UNK: variants seen among roughly 807,000 people sequenced by gnomAD.
The protein encoded by UNK is unk zinc finger, also known as RING finger protein unkempt homolog.
Under a neutral mutation model 97.6 loss-of-function variants are expected in UNK, and 32 were observed. The ratio of observed to expected loss-of-function variants is 0.33; its 90% CI spans 0.25 to 0.44. The LOEUF (loss-of-function observed/expected upper bound fraction) is 0.44. Ranked by LOEUF, UNK falls within the 20% of genes least tolerant of loss-of-function variation. The probability of loss-of-function intolerance (pLI) is 1.00; values close to 1 mark genes in which losing one functional copy is unlikely to be tolerated. For synonymous variants in UNK, 441 were observed against 461.2 expected (o/e 0.96, Z 0.56); for missense variants, 771 against 1,098.4 (o/e 0.70, Z 4.21).
chr17:75,798,036 A>G (rs1266908211), intron 1 of UNK, among the ~76,000 whole-genome samples: 1 of 151,082 alleles, frequency 6.6e-6, no homozygotes, highest in Non-Finnish European at 1.5e-5. Context: ...TCATGCAGAC[A>G]TGCACTCCAC....
At position 75,818,039 on chromosome 17, in the gene UNK, G is replaced by T; in HGVS notation, c.1306-64G>T. 1 of 1,556,376 alleles carries T rather than the reference G, an allele frequency of 6.4e-7. No homozygotes were observed. On this transcript the variant is annotated intron_variant, in intron 9 of 15. Transcript: ENST00000589666. This position sits in a 1 kb window ranked among gnomAD's most constrained non-coding sequence, Gnocchi z 5.1. ...TGCCCCCTGGTACCTGCAGCCTCAG[G>T]GTCAGATGGACTCAGGGACCCCCCA... is the stretch of plus-strand genomic sequence containing the variant.
Position 75,817,790 on chromosome 17 carries a change from G to A in UNK, c.1305+264G>A, listed in dbSNP as rs1050685616. Among the ~76,000 whole-genome samples, 6 of 152,094 alleles carry A rather than the reference G, an allele frequency of 3.9e-5. No individual in the cohort carries two copies. The highest frequency in any genetic ancestry group is 1.2e-4 in the African/African-American group (5 of 41,388). On this transcript the variant is annotated intron_variant, in intron 9 of 15. Coordinates refer to ENST00000589666, the MANE Select transcript of UNK (RefSeq NM_001080419.3). This position sits in a 1 kb window ranked among gnomAD's most constrained non-coding sequence, Gnocchi z 5.8. ...AGATCCCGCCTGGGTGCGGTCCTTC[G>A]GCTGCCCTGAACTGCCTTCATGGAA... is the stretch of plus-strand genomic sequence containing the variant.
In UNK at chr17:75,816,867, G is replaced by A. The variant is rs771689627; in HGVS notation, c.1059G>A (p.Ser353=). Residue 353 remains serine (S), a synonymous_variant, in exon 8 of 16, where the codon TCG becomes TCA. Coordinates refer to ENST00000589666, the MANE Select transcript of UNK (RefSeq NM_001080419.3). This position sits in a 1 kb window ranked among gnomAD's most constrained non-coding sequence, Gnocchi z 4.0. ...VLYMPSAAGD[S]VPVSPSSPHA... is the part of the protein sequence containing the mutation. ...ACATGCCATCTGCCGCCGGAGACTC[G>A]GTGCCTGTGAGCCCCTCCAGCCCGC... The A allele has an allele frequency of 3.7e-6, 6 of 1,606,902 alleles. No individual in the cohort carries two copies. Among genetic ancestry groups the A allele is most frequent in the African/African-American group, 2.7e-5 (2 of 74,878 alleles).
At chr17:75,796,564 C>T (rs1341854299) in intron 1 of UNK, among the ~76,000 whole-genome samples, 1 of 152,160 alleles carries the variant, frequency 6.6e-6, no homozygotes, top group Non-Finnish European at 1.5e-5. Flanking sequence ...TGGCCTCAAG[C>T]AGTCGTCCTG....
chr17:75,797,477 C>T (rs999787305), intron 1 of UNK, among the ~76,000 whole-genome samples: 8 of 152,252 alleles, frequency 5.3e-5, no homozygotes, highest in Non-Finnish European at 1.2e-4. Flanking sequence ...TCAGGCGATC[C>T]GCCCGCCTTG....
intron 1 of UNK, among the ~76,000 whole-genome samples, chr17:75,791,164 G>A (rs946722178): frequency 6.6e-5 from 10 of 152,048 alleles, no homozygotes; most frequent in African/African-American, 2.2e-4. Flanking sequence ...GAGTTTTCTG[G>A]CCACTTGGTG....
chr17:75,821,454 G>A (rs1428638107), intron 13 of UNK: 1 of 446,706 alleles, frequency 2.2e-6, no homozygotes, highest in South Asian at 1.6e-5. Flanking sequence ...GGAGAGATGG[G>A]TGGGACAGGA....
chr17:75,787,502 C>G (rs1567791360), intron 1 of UNK, among the ~76,000 whole-genome samples: 1 of 150,766 alleles, frequency 6.6e-6, no homozygotes, highest in Non-Finnish European at 1.5e-5. Flanking sequence ...GGCCACCACA[C>G]CCAGCTTTTT....
At position 75,784,926 on chromosome 17, in the gene UNK, C is replaced by G. The variant is rs752583410; in HGVS notation, c.46C>G (p.Pro16Ala). 1 of 1,557,710 alleles carries G rather than the reference C, an allele frequency of 6.4e-7. No individual in the cohort carries two copies. Among genetic ancestry groups the G allele is most frequent in the African/African-American group, 1.4e-5 (1 of 72,836 alleles). The stretch of plus-strand genomic sequence containing the variant: ...CGGCGGCTCCGCAGCTTCCTCGGCG[C>G]CCCCGGCCGCTACCGCTCAGGTGCT... Reference protein sequence around the residue: ...GPGGSAASSAPPAATAQVLQA... With the variant: ...GPGGSAASSAAPAATAQVLQA... The change falls in exon 1 of 16, where the codon CCC (proline) becomes GCC (alanine). Residue 16 changes from proline to alanine, a missense_variant. Transcript: ENST00000589666.
Position 75,812,172 on chromosome 17 carries a change from C to G in UNK, c.375C>G (p.Tyr125Ter). 1 of 1,614,074 alleles carries G rather than the reference C, an allele frequency of 6.2e-7. No homozygotes were observed. The highest frequency in any genetic ancestry group is 8.5e-7 in the Non-Finnish European group (1 of 1,179,938). ...DTERRYHLRY[Y>*]KTGICIHETD... Reference sequence around the variant, plus strand: ...AGCGCAGGTACCACCTTCGTTACTACAAAACTGGAATCTGCATCCACGAGA... The same window carrying G: ...AGCGCAGGTACCACCTTCGTTACTAGAAAACTGGAATCTGCATCCACGAGA... Residue 125 changes from tyrosine to a stop codon, truncating the protein, a stop_gained, in exon 3 of 16, where the codon TAC becomes TAG. Coordinates refer to ENST00000589666, the MANE Select transcript of UNK (RefSeq NM_001080419.3). LOFTEE classifies it high-confidence loss of function.
At chr17:75,810,379 T>C (rs1343661199) in intron 2 of UNK, among the ~76,000 whole-genome samples, 3 of 152,056 alleles carry the variant, frequency 2.0e-5, no homozygotes, top group African/African-American at 7.3e-5. Context: ...GGCACAGCAC[T>C]GACAGACACA....
At chr17:75,812,026 A>T in intron 2 of UNK, 86 bp from the exon 3 acceptor site, 1 of 1,422,376 alleles carries the variant, frequency 7.0e-7, no homozygotes, top group Non-Finnish European at 9.4e-7. Context: ...ACAACAACAA[A>T]AACAGTTGGG....
intron 1 of UNK, among the ~76,000 whole-genome samples, chr17:75,796,756 C>T (rs2061809367): frequency 6.6e-6 from 1 of 152,110 alleles, no homozygotes; most frequent in Non-Finnish European, 1.5e-5. Flanking sequence ...TAATAGTTTA[C>T]CTATCAGATT....
At chr17:75,802,327 T>C (rs2061869097) in intron 1 of UNK, among the ~76,000 whole-genome samples, 1 of 133,870 alleles carries the variant, frequency 7.5e-6, no homozygotes, top group Admixed American at 9.4e-5. Context: ...GGTGCAACCG[T>C]AGCTCACTGC....
intron 1 of UNK, chr17:75,785,363 C>G: frequency 5.5e-6 from 1 of 182,538 alleles, no homozygotes; most frequent in African/African-American, 2.4e-5. Flanking sequence ...TGGGGTCCAG[C>G]CCCAGAACCC....
At chr17:75,813,723 C>T (rs1425568921) in intron 5 of UNK, 38 bp from the exon 6 acceptor site, 1 of 1,531,396 alleles carries the variant, frequency 6.5e-7, no homozygotes, top group East Asian at 2.5e-5. Context: ...ATCTCACCTT[C>T]TCCTTTCTCC....
At chr17:75,822,446 G>A (rs369243780) in intron 13 of UNK, 31 bp from the exon 14 acceptor site, 92 of 1,583,644 alleles carry the variant, frequency 5.8e-5, no homozygotes, top group Admixed American at 6.9e-5. Context: ...AAAGCCCTCC[G>A]GAGCTGATGT....
chr17:75,806,539 C>T (rs533411706), intron 1 of UNK, among the ~76,000 whole-genome samples: 6 of 151,820 alleles, frequency 4.0e-5, no homozygotes, highest in African/African-American at 1.4e-4. Flanking sequence ...TTTGGGAAGC[C>T]GAGGCGGGCG....
At position 75,824,372 on chromosome 17, in the gene UNK, G is replaced by T; in HGVS notation, c.2388G>T (p.Glu796Asp). The T allele has an allele frequency of 1.3e-6, 2 of 1,575,710 alleles. No individual in the cohort carries two copies. Among genetic ancestry groups the T allele is most frequent in the Non-Finnish European group, 8.6e-7 (1 of 1,163,930 alleles). Residue 796 changes from glutamate (E) to aspartate (D), a missense_variant, in exon 16 of 16, where the codon GAG (glutamate) becomes GAT (aspartate). Physicochemically the swap from Glu to Asp is conservative, Grantham distance 45 (BLOSUM62 2). Coordinates refer to ENST00000589666, the MANE Select transcript of UNK (RefSeq NM_001080419.3). The surrounding 1 kb of genome is among the most constrained non-coding windows in gnomAD (Gnocchi z 4.9). ...ALCELCAEGS[E>D]CPICQPGRAH... is the part of the protein sequence containing the mutation. ...GTGAGCTCTGCGCTGAGGGCAGCGA[G>T]TGCCCCATCTGCCAGCCTGGCCGGG...
Sources: allele counts gnomAD v4.1 joint callset (sites outside exome capture counted in the v4.1 genomes callset), GRCh38; gene constraint gnomAD v4.1.1; non-coding constraint Gnocchi (gnomAD v3.1); transcripts MANE v1.5; gene names NCBI Gene and HGNC (gene_info 2026-07-23, HGNC 2026-07-21).